Variants in PRMT9 observed in about 807,000 individuals in gnomAD.
PRMT9 encodes the protein protein arginine methyltransferase 9, also known as protein arginine N-methyltransferase 9.
Under a neutral mutation model 83.2 loss-of-function variants are expected in PRMT9, and 59 were observed. The ratio of observed to expected loss-of-function variants is 0.71; its 90% CI spans 0.57 to 0.88. PRMT9 has a LOEUF of 0.88. Among genes scored for constraint, PRMT9 ranks in the 40% least tolerant of loss-of-function variants. The pLI, the probability that PRMT9 is intolerant of heterozygous loss-of-function variation, is 0.00. For synonymous variants in PRMT9, 333 were observed against 353.2 expected (o/e 0.94, Z 0.64); for missense variants, 947 against 1,021.9 (o/e 0.93, Z 1.00).
In PRMT9 at chr4:147,684,113, C is replaced by T; in HGVS notation, c.-126G>A. ...AACAGCACAGCAAAGTTACCCTCCG[C>T]CGCGGGTGAACTCGCCAACCCCAGC... On this transcript the variant is annotated 5_prime_UTR_variant, in exon 1 of 12. Transcript: ENST00000322396. 8.7e-7 allele frequency: 1 copy of T among 1,145,340 alleles called. No homozygotes were observed. Among genetic ancestry groups the T allele is most frequent in the Non-Finnish European group, 1.3e-6 (1 of 793,940 alleles). 70.9% of individuals were successfully genotyped at this position (1,145,340 alleles called of 1,614,324 possible).
chr4:147,659,574 C>CTTTTTTTT (rs1371118694), intron 7 of PRMT9, among the ~76,000 whole-genome samples: 1 of 28,510 alleles, frequency 3.5e-5, no homozygotes, highest in African/African-American at 1.1e-4. Context: ...TGGGCACTTT[C>CTTTTTTTT]TTTTCTTTTT....
intron 8 of PRMT9, 85 bp downstream of exon 8, chr4:147,657,707 T>A: frequency 1.9e-6 from 2 of 1,033,130 alleles, no homozygotes; most frequent in Non-Finnish European, 3.0e-6. Flanking sequence ...AACCTTCATA[T>A]CCAAAGTAAT....
chr4:147,653,711 C>T lies in PRMT9; in HGVS notation c.2045+141G>A, dbSNP rs1338650296. ...GATTTTAGCAGCAAATGAAGTCACA[C>T]GTCCTGAAAAGTAATGCTTGAGGAG... On this transcript the variant is annotated intron_variant, in intron 9 of 11. Coordinates refer to ENST00000322396, the MANE Select transcript of PRMT9 (RefSeq NM_138364.4). 7.5e-6 allele frequency: 5 copies of T among 664,786 alleles called. No individual in the cohort carries two copies. The East Asian group carries it at 8.1e-5, about 11-fold the overall frequency. The allele number at this position is 664,786 out of a possible 1,614,324, so 41.2% of individuals were successfully genotyped here. A position where few individuals can be genotyped will look rare whatever the true frequency, so the allele number is the denominator to read the frequency against.
At position 147,654,585 on chromosome 4, in the gene PRMT9, A is replaced by C; in HGVS notation, c.1331-19T>G. 6.6e-7 allele frequency: 1 copy of C among 1,523,408 alleles called. No individual in the cohort carries two copies. The highest frequency in any genetic ancestry group is 1.7e-4 in the Middle Eastern group (1 of 5,902). The allele number at this position is 1,523,408 out of a possible 1,614,324, so 94.4% of individuals were successfully genotyped here. A position where few individuals can be genotyped will look rare whatever the true frequency, so the allele number is the denominator to read the frequency against. ...CAGTAGTCTTCATTAAATAGTAAGGAAGAAAAAAAATATGGAGTACTTATA... is the reference window on the plus strand; with the variant it reads ...CAGTAGTCTTCATTAAATAGTAAGGCAGAAAAAAAATATGGAGTACTTATA... On this transcript the variant is annotated intron_variant, in intron 8 of 11. Coordinates refer to ENST00000322396, the MANE Select transcript of PRMT9 (RefSeq NM_138364.4).
At chr4:147,640,187 C>G (rs994789214) in intron 10 of PRMT9, among the ~76,000 whole-genome samples, 4 of 151,150 alleles carry the variant, frequency 2.6e-5, no homozygotes, top group African/African-American at 9.7e-5. Flanking sequence ...ATCCTCCCAC[C>G]TCAGCCTCCC....
intron 6 of PRMT9, among the ~76,000 whole-genome samples, chr4:147,665,084 G>A (rs1465303316): frequency 1.5e-5 from 2 of 134,608 alleles, no homozygotes; most frequent in African/African-American, 5.6e-5. Flanking sequence ...TCGCGCCACT[G>A]CATTCCAGCC....
At chr4:147,673,969 C>T (rs1439669561) in intron 2 of PRMT9, 95 bp from the exon 3 acceptor site, 3 of 1,002,664 alleles carry the variant, frequency 3.0e-6, no homozygotes, top group Non-Finnish European at 4.7e-6. Context: ...CTGGGAATTC[C>T]ATGCCAGCAC....
rs1039048311 is a variant in PRMT9, at chr4:147,673,855, C to T, written c.358G>A (p.Ala120Thr). The change falls in exon 3 of 12, where the codon GCA (alanine) becomes ACA (threonine). Residue 120 changes from alanine to threonine, a missense_variant. Coordinates refer to ENST00000322396, the MANE Select transcript of PRMT9 (RefSeq NM_138364.4). ...HLFRMGFRDE[A>T]AGYFHKAVKL... The stretch of plus-strand genomic sequence containing the variant: ...ACTGCTTTATGAAAATACCCAGCTG[C>T]TTCATCCCTAAAGCCCATTCTAGAG... 6.2e-7 allele frequency: 1 copy of T among 1,613,754 alleles called. No homozygotes were observed. Among genetic ancestry groups the T allele is most frequent in the African/African-American group, 1.3e-5 (1 of 74,906 alleles).
intron 9 of PRMT9, among the ~76,000 whole-genome samples, chr4:147,653,228 C>T (rs1223426010): frequency 2.0e-5 from 3 of 152,016 alleles, no homozygotes; most frequent in African/African-American, 7.3e-5. Flanking sequence ...GGGTGTGGAT[C>T]ACTTGAGGTC....
chr4:147,674,107 T>A (rs748530621), intron 2 of PRMT9, among the ~76,000 whole-genome samples: 18 of 152,192 alleles, frequency 1.2e-4, no homozygotes, highest in Non-Finnish European at 2.4e-4. Flanking sequence ...AGTACCTGAC[T>A]ATAAATTACT....
chr4:147,638,543 CTGTGATGCTGACATTGCTTT>C lies in PRMT9; in HGVS notation c.2507_2526del (p.Lys836SerfsTer14), dbSNP rs1308333881. On this transcript the variant is annotated frameshift_variant, in exon 12 of 12. Coordinates refer to ENST00000322396, the MANE Select transcript of PRMT9 (RefSeq NM_138364.4). LOFTEE classifies it high-confidence loss of function. ...TGGAAAACTGCTCTTCATTGCTTTA[CTGTGATGCTGACATTGCTTT>C]TGTGATGCTGAATGCTGAGTACAAG... The C allele has an allele frequency of 4.3e-6, 7 of 1,613,222 alleles. No individual in the cohort carries two copies. The highest frequency in any genetic ancestry group is 5.9e-6 in the Non-Finnish European group (7 of 1,179,426).
chr4:147,683,812 T>G lies in PRMT9; in HGVS notation c.176A>C (p.Lys59Thr), dbSNP rs1736669901. 1 of 1,612,598 alleles carries G rather than the reference T, an allele frequency of 6.2e-7. No individual in the cohort carries two copies. Among genetic ancestry groups the G allele is most frequent in the African/African-American group, 1.3e-5 (1 of 74,610 alleles). The stretch of plus-strand genomic sequence containing the variant: ...AAGGACCCTCACCTTCACGTCGTGT[T>G]TCAGCTCCGGCGCCAGGCTGAGCAC... ...LLVLSLAPEL[K>T]HDVKETFQYT... Residue 59 changes from lysine (K) to threonine (T), a missense_variant, in exon 1 of 12, where the codon AAA (lysine) becomes ACA (threonine). By Grantham distance (78) the Lys-to-Thr change is moderately conservative (BLOSUM62 -1). Transcript: ENST00000322396.
chr4:147,677,363 TA>T (rs1335606602), intron 2 of PRMT9, among the ~76,000 whole-genome samples: 1 of 150,604 alleles, frequency 6.6e-6, no homozygotes, highest in Non-Finnish European at 1.5e-5. Flanking sequence ...TATGTATACA[TA>T]AAAAACTCAC....
At chr4:147,682,471 C>T (rs879896649) in intron 1 of PRMT9, among the ~76,000 whole-genome samples, 1 of 152,028 alleles carries the variant, frequency 6.6e-6, no homozygotes. Context: ...CCACCGCGCC[C>T]GGCCTAATTT....
At chr4:147,672,139 T>C (rs1303287894) in intron 4 of PRMT9, 1 of 277,932 alleles carries the variant, frequency 3.6e-6, no homozygotes, top group African/African-American at 2.3e-5. Flanking sequence ...GGGTATGACA[T>C]TTGCATTAAT....
At chr4:147,679,538 A>C (rs1388096939) in intron 2 of PRMT9, among the ~76,000 whole-genome samples, 2 of 152,056 alleles carry the variant, frequency 1.3e-5, no homozygotes, top group Non-Finnish European at 2.9e-5. Context: ...GCTTGAGGTC[A>C]GGAGTTCGAG....
chr4:147,647,831 A>G (rs1330131312), intron 9 of PRMT9, among the ~76,000 whole-genome samples: 2 of 152,112 alleles, frequency 1.3e-5, no homozygotes, highest in Admixed American at 6.6e-5. Context: ...TCCCTACTGC[A>G]ACTCCTGCTG....
chr4:147,677,891 A>G (rs1009417617), intron 2 of PRMT9, among the ~76,000 whole-genome samples: 2 of 152,204 alleles, frequency 1.3e-5, no homozygotes, highest in African/African-American at 2.4e-5. Context: ...CCATATAAAG[A>G]GTTTACATTA....
chr4:147,683,238 T>A (rs888386596), intron 1 of PRMT9, among the ~76,000 whole-genome samples: 1 of 152,212 alleles, frequency 6.6e-6, no homozygotes, highest in Non-Finnish European at 1.5e-5. Context: ...TTAAATTAGA[T>A]ATAAGGAGAA....
Sources: allele counts gnomAD v4.1 joint callset (sites outside exome capture counted in the v4.1 genomes callset), GRCh38; gene constraint gnomAD v4.1.1; transcripts MANE v1.5; gene names NCBI Gene and HGNC (gene_info 2026-07-23, HGNC 2026-07-21).